The following DOCK1 variants were observed in gnomAD, a reference collection of about 807,000 sequenced individuals.
DOCK1 encodes dedicator of cytokinesis protein 1.
DOCK1 carries 138 observed loss-of-function variants against 262.7 expected under a neutral mutation model. The ratio of observed to expected loss-of-function variants is 0.53; its 90% CI spans 0.46 to 0.61. DOCK1 has a LOEUF of 0.61. Among genes scored for constraint, DOCK1 ranks in the 20% least tolerant of loss-of-function variants. DOCK1 has a pLI of 0.00. For synonymous variants in DOCK1, 866 were observed against 867.4 expected (o/e 1.00, Z 0.03); for missense variants, 1,908 against 2,370.7 (o/e 0.80, Z 4.05).
intron 1 of DOCK1, among the ~76,000 whole-genome samples, chr10:126,952,075 C>T (rs2036297877): frequency 6.6e-6 from 1 of 152,016 alleles, no homozygotes. Context: ...GTATCAATTT[C>T]TTGACCTTGT....
At chr10:127,258,979 G>A (rs1484078475) in intron 29 of DOCK1, among the ~76,000 whole-genome samples, 1 of 152,168 alleles carries the variant, frequency 6.6e-6, no homozygotes, top group African/African-American at 2.4e-5. Flanking sequence ...GGGCAGCAGA[G>A]ACAGATTGGC....
chr10:127,380,171 A>T (rs766170603), intron 36 of DOCK1, 49 bp downstream of exon 36: 3 of 1,324,218 alleles, frequency 2.3e-6, no homozygotes, highest in East Asian at 5.2e-5. Flanking sequence ...ATAATAATAT[A>T]TGTTGTATGT....
chr10:127,294,078 G>C (rs909055155), intron 29 of DOCK1, among the ~76,000 whole-genome samples: 1 of 152,178 alleles, frequency 6.6e-6, no homozygotes, highest in Non-Finnish European at 1.5e-5. Flanking sequence ...TCCAGGGCAG[G>C]TGCAGGTGAC....
chr10:126,977,230 G>A (rs1484363391), intron 2 of DOCK1, among the ~76,000 whole-genome samples: 1 of 152,174 alleles, frequency 6.6e-6, no homozygotes, highest in Non-Finnish European at 1.5e-5. Flanking sequence ...GTGTGGCTGG[G>A]TCTGGTCCCT....
At chr10:127,038,926 C>T (rs1317657105) in intron 19 of DOCK1, among the ~76,000 whole-genome samples, 3 of 152,126 alleles carry the variant, frequency 2.0e-5, no homozygotes, top group African/African-American at 4.8e-5. Flanking sequence ...GGCTATGGGA[C>T]GATAAGGGGG....
chr10:126,949,603 G>A (rs924262654), intron 1 of DOCK1, among the ~76,000 whole-genome samples: 26 of 152,204 alleles, frequency 1.7e-4, no homozygotes, highest in Admixed American at 1.2e-3. Context: ...TGAGAGCATC[G>A]GGTGTTGAAT....
intron 19 of DOCK1, among the ~76,000 whole-genome samples, chr10:127,040,960 G>T (rs146466761): frequency 6.6e-6 from 1 of 152,044 alleles, no homozygotes; most frequent in Non-Finnish European, 1.5e-5. Context: ...TTCCTGTCTC[G>T]ATGGATTTAC....
chr10:127,237,318 C>T (rs965740227), intron 27 of DOCK1, among the ~76,000 whole-genome samples: 2 of 148,598 alleles, frequency 1.3e-5, no homozygotes, highest in Non-Finnish European at 3.0e-5. Flanking sequence ...CGAGACCACA[C>T]CATTGCACTC....
chr10:127,162,266 C>A (rs1046619966), intron 27 of DOCK1, among the ~76,000 whole-genome samples: 2 of 152,074 alleles, frequency 1.3e-5, no homozygotes, highest in Non-Finnish European at 2.9e-5. Context: ...CATGCATTTT[C>A]TATAGTGTTT....
chr10:126,996,867 G>T lies in DOCK1; in HGVS notation c.593G>T (p.Arg198Met), dbSNP rs780686971. 1.3e-6 allele frequency: 2 copies of T among 1,595,474 alleles called. No homozygotes were observed. The highest frequency in any genetic ancestry group is 1.4e-5 in the African/African-American group (1 of 73,640). Residue 198 changes from arginine to methionine, a missense_variant, in exon 7 of 52, where the codon AGG (arginine) becomes ATG (methionine). This residue lies in a region of DOCK1 where 227 missense variants were observed against 254.1 expected (regional missense o/e 0.89). Transcript: ENST00000623213. ...HEIASKQVEE[R>M]LQEEKSQKQN... is the part of the protein sequence containing the mutation. Reference sequence around the variant, plus strand: ...ATAGCTTCTAAACAAGTGGAGGAAAGGTTACAAGAGGAAAAAGTAAGTTTG... The same window carrying T: ...ATAGCTTCTAAACAAGTGGAGGAAATGTTACAAGAGGAAAAAGTAAGTTTG...
At chr10:127,228,353 C>T (rs1329144772) in intron 27 of DOCK1, among the ~76,000 whole-genome samples, 4 of 152,154 alleles carry the variant, frequency 2.6e-5, no homozygotes, top group Admixed American at 6.5e-5. Flanking sequence ...CTGCCCGGCC[C>T]GGAGGTGGCT....
chr10:127,166,714 A>T (rs1359253351), intron 27 of DOCK1, among the ~76,000 whole-genome samples: 1 of 152,258 alleles, frequency 6.6e-6, no homozygotes, highest in African/African-American at 2.4e-5. Context: ...CCATTTTTGC[A>T]TAGCTTAGCA....
intron 23 of DOCK1, among the ~76,000 whole-genome samples, chr10:127,098,617 C>T (rs1355214361): frequency 1.3e-5 from 2 of 152,240 alleles, no homozygotes; most frequent in African/African-American, 2.4e-5. Context: ...ATTCACATAG[C>T]GAGTGATGGA....
chr10:126,927,043 C>A (rs2033790907), intron 1 of DOCK1, among the ~76,000 whole-genome samples: 1 of 152,174 alleles, frequency 6.6e-6, no homozygotes, highest in South Asian at 2.1e-4. Flanking sequence ...GACTTGTAGG[C>A]TTTTAGTGCT....
At chr10:127,334,116 C>T (rs2063098458) in intron 29 of DOCK1, among the ~76,000 whole-genome samples, 1 of 151,844 alleles carries the variant, frequency 6.6e-6, no homozygotes, top group African/African-American at 2.4e-5. Flanking sequence ...TACATGCATT[C>T]ATTGTGGAAT....
intron 1 of DOCK1, among the ~76,000 whole-genome samples, chr10:126,959,667 T>G (rs2134512028): frequency 6.6e-6 from 1 of 152,340 alleles, no homozygotes; most frequent in East Asian, 1.9e-4. Context: ...TGTGTATAGC[T>G]GCCCTGGGGA....
At chr10:126,920,218 T>G (rs888623524) in intron 1 of DOCK1, among the ~76,000 whole-genome samples, 3 of 152,268 alleles carry the variant, frequency 2.0e-5, no homozygotes, top group Non-Finnish European at 4.4e-5. Context: ...GATATCACTG[T>G]TATTTTAATA....
At chr10:126,976,843 C>T (rs1482395861) in intron 2 of DOCK1, among the ~76,000 whole-genome samples, 2 of 152,044 alleles carry the variant, frequency 1.3e-5, no homozygotes, top group African/African-American at 2.4e-5. Flanking sequence ...AAGCAATTCT[C>T]CTGCCTCAGC....
At chr10:127,017,083 TACACCACAAAC>T (rs1244081924) in intron 12 of DOCK1, among the ~76,000 whole-genome samples, 36 of 68,674 alleles carry the variant, frequency 5.2e-4, no homozygotes, top group East Asian at 1.8e-3. Context: ...TAAACACAGA[TACACCACAAAC>T]ACATACACAC....
Sources: gnomAD v4.1 joint callset for allele counts (sites outside exome capture counted in the v4.1 genomes callset) on GRCh38, gnomAD v4.1.1 for gene constraint, gnomAD v4.1.1 regional missense constraint, MANE v1.5 for transcripts, NCBI Gene and HGNC (gene_info 2026-07-23, HGNC 2026-07-21) for gene names.